PMFBP1: variants seen among roughly 807,000 people sequenced by gnomAD.
PMFBP1 encodes polyamine-modulated factor 1-binding protein 1.
Under a neutral mutation model 137.8 loss-of-function variants are expected in PMFBP1, and 131 were observed. That is an observed-to-expected ratio of 0.95 (90% confidence interval 0.82 to 1.10). The LOEUF (loss-of-function observed/expected upper bound fraction) is 1.10, where lower values mean the gene tolerates loss of function less well. Among genes scored for constraint, PMFBP1 ranks in the 50% least tolerant of loss-of-function variants. The probability of loss-of-function intolerance (pLI) is 0.00; values close to 1 mark genes in which losing one functional copy is unlikely to be tolerated. For missense variants in PMFBP1, 1,199 were observed against 1,175.4 expected (o/e 1.02, Z -0.29); for synonymous variants, 490 against 450.4 (o/e 1.09, Z -1.11).
intron 9 of PMFBP1, among the ~76,000 whole-genome samples, chr16:72,134,340 A>G (rs1212279044): frequency 6.6e-6 from 1 of 151,944 alleles, no homozygotes; most frequent in Non-Finnish European, 1.5e-5. Context: ...GTGCCACCAC[A>G]CTCAGCTAGT....
intron 10 of PMFBP1, among the ~76,000 whole-genome samples, chr16:72,131,972 AG>A (rs1218432877): frequency 2.6e-5 from 4 of 152,098 alleles, no homozygotes; most frequent in Non-Finnish European, 5.9e-5. Context: ...CAGCCTCCCA[AG>A]TAGCTGGGAC....
chr16:72,142,487 A>G (rs1040705166), intron 5 of PMFBP1, among the ~76,000 whole-genome samples: 2 of 152,216 alleles, frequency 1.3e-5, no homozygotes, highest in African/African-American at 4.8e-5. Context: ...ACATCTAACA[A>G]TGCATCTCTA....
chr16:72,167,039 ACTGGTCTG>A (rs2043154533), intron 2 of PMFBP1, among the ~76,000 whole-genome samples: 1 of 152,138 alleles, frequency 6.6e-6, no homozygotes, highest in South Asian at 2.1e-4. Flanking sequence ...TATCCAACTG[ACTGGTCTG>A]TCTTTTGAAA....
chr16:72,164,519 A>G, intron 3 of PMFBP1: 1 of 1,406,262 alleles, frequency 7.1e-7, no homozygotes, highest in Non-Finnish European at 9.6e-7. Context: ...CCAGATAAGG[A>G]AAACATCGTG....
intron 5 of PMFBP1, among the ~76,000 whole-genome samples, chr16:72,145,657 A>C (rs1182834698): frequency 6.6e-6 from 1 of 152,202 alleles, no homozygotes. Flanking sequence ...AAGAAAAGAG[A>C]GAAGAATCAA....
chr16:72,126,979 A>T (rs2042470124), intron 14 of PMFBP1, among the ~76,000 whole-genome samples: 1 of 152,232 alleles, frequency 6.6e-6, no homozygotes, highest in Non-Finnish European at 1.5e-5. Context: ...CTATACGACT[A>T]TGAGTTACTG....
At chr16:72,164,102 C>T (rs928667255) in intron 3 of PMFBP1, among the ~76,000 whole-genome samples, 13 of 152,148 alleles carry the variant, frequency 8.5e-5, no homozygotes, top group Admixed American at 6.5e-4. Flanking sequence ...AGTCAGGTAC[C>T]GCTGTGAGCA....
intron 10 of PMFBP1, among the ~76,000 whole-genome samples, chr16:72,131,843 C>A (rs1339551008): frequency 1.3e-5 from 2 of 152,096 alleles, no homozygotes; most frequent in African/African-American, 4.8e-5. Flanking sequence ...ATAAATTTAG[C>A]CCCTCCACCC....
the PMFBP1 span, among the ~76,000 whole-genome samples, chr16:72,231,757 A>G: frequency 1.3e-5 from 2 of 152,164 alleles, no homozygotes; most frequent in Non-Finnish European, 2.9e-5. Context: ...CTGCTGCAAA[A>G]TTTTCTAAGT....
At chr16:72,186,578 A>G in the PMFBP1 span, among the ~76,000 whole-genome samples, 33 of 152,260 alleles carry the variant, frequency 2.2e-4, no homozygotes, top group Non-Finnish European at 7.4e-5. Context: ...ACACATCAAC[A>G]ATTGCTTCGT....
the PMFBP1 span, among the ~76,000 whole-genome samples, chr16:72,249,939 A>G: frequency 2.0e-5 from 3 of 150,942 alleles, no homozygotes; most frequent in Non-Finnish European, 4.4e-5. Flanking sequence ...AAAAAAAAAA[A>G]AAAAAGAAAG....
chr16:72,136,723 C>A lies in PMFBP1; in HGVS notation c.1015G>T (p.Val339Leu). ...VKDLRVELEAVSEQKRNIMKD... is the reference protein window; with the variant it reads ...VKDLRVELEALSEQKRNIMKD... ...ATGATGTTTCTCTTCTGTTCCGACA[C>A]GGCCTCTAGTTCCACGCGCAGATCC... Residue 339 changes from valine (V) to leucine (L), a missense_variant, in exon 8 of 21, where the codon GTG becomes TTG. By Grantham distance (32) the Val-to-Leu change is conservative (BLOSUM62 1). Transcript: ENST00000237353. The A allele has an allele frequency of 3.1e-6, 5 of 1,614,160 alleles. No homozygotes were observed. The highest frequency in any genetic ancestry group is 4.2e-6 in the Non-Finnish European group (5 of 1,180,028).
the PMFBP1 span, among the ~76,000 whole-genome samples, chr16:72,231,530 G>T: frequency 6.6e-6 from 1 of 152,136 alleles, no homozygotes; most frequent in African/African-American, 2.4e-5. Flanking sequence ...AACATGACTA[G>T]CAAACAAATA....
chr16:72,137,104 A>T (rs2042643924), intron 7 of PMFBP1, among the ~76,000 whole-genome samples: 2 of 152,074 alleles, frequency 1.3e-5, no homozygotes, highest in Non-Finnish European at 1.5e-5. Context: ...CTCCCAATGA[A>T]ATTTTTTTAA....
chr16:72,191,622 A>G, the PMFBP1 span, among the ~76,000 whole-genome samples: 1 of 152,232 alleles, frequency 6.6e-6, no homozygotes, highest in Non-Finnish European at 1.5e-5. Flanking sequence ...AAGAATGGGT[A>G]AGGTCATAGT....
chr16:72,123,772 A>G (rs1395068989), intron 17 of PMFBP1, 123 bp from the exon 18 acceptor site: 1 of 838,760 alleles, frequency 1.2e-6, no homozygotes, highest in Non-Finnish European at 1.8e-6. Flanking sequence ...GTCCAACCCG[A>G]GGCCAGAGTT....
the PMFBP1 span, among the ~76,000 whole-genome samples, chr16:72,205,160 T>C: frequency 1.3e-5 from 2 of 152,230 alleles, no homozygotes; most frequent in African/African-American, 4.8e-5. Context: ...GACAGAGATG[T>C]GGAAGCTTCA....
the PMFBP1 span, among the ~76,000 whole-genome samples, chr16:72,196,963 C>A: frequency 3.9e-5 from 6 of 152,314 alleles, no homozygotes; most frequent in African/African-American, 1.4e-4. Context: ...ATTCTCAGGT[C>A]TCTGCCCTGG....
At chr16:72,158,611 G>A (rs2043016361) in intron 3 of PMFBP1, among the ~76,000 whole-genome samples, 1 of 152,086 alleles carries the variant, frequency 6.6e-6, no homozygotes, top group Non-Finnish European at 1.5e-5. Context: ...TCACAAATAA[G>A]TACTTAACGT....
Sources: allele counts gnomAD v4.1 joint callset (sites outside exome capture counted in the v4.1 genomes callset), GRCh38; gene constraint gnomAD v4.1.1; transcripts MANE v1.5; gene names NCBI Gene and HGNC (gene_info 2026-07-23, HGNC 2026-07-21).